The following ZNF729 variants were observed in gnomAD, a reference collection of about 807,000 sequenced individuals.
ZNF729 encodes zinc finger protein 729.
In ZNF729, 15 loss-of-function variants were observed where a neutral mutation model predicts 12.2. The observed-to-expected ratio is 1.23, with a 90% confidence interval of 0.82 to 1.89. The LOEUF (loss-of-function observed/expected upper bound fraction) is 1.89, where lower values mean the gene tolerates loss of function less well. Among genes scored for constraint, ZNF729 ranks in the 40% most tolerant of loss-of-function variants. ZNF729 has a pLI of 0.00. For synonymous variants in ZNF729, 492 were observed against 476.3 expected (o/e 1.03, Z -0.43); for missense variants, 1,540 against 1,456.7 (o/e 1.06, Z -0.93).
At chr19:22,300,571 A>G (rs900151919) in intron 1 of ZNF729, among the ~76,000 whole-genome samples, 1 of 152,220 alleles carries the variant, frequency 6.6e-6, no homozygotes, top group African/African-American at 2.4e-5. Flanking sequence ...TGCAAAGTGC[A>G]TACTGTCCCC....
chr19:22,286,904 G>A (rs554267915), intron 1 of ZNF729, among the ~76,000 whole-genome samples: 41 of 152,334 alleles, frequency 2.7e-4, no homozygotes, highest in African/African-American at 9.4e-4. Context: ...AATGGGAAGA[G>A]CTTTGGTCCA....
chr19:22,312,846 TG>T (rs1356057998), intron 3 of ZNF729, among the ~76,000 whole-genome samples: 2 of 152,178 alleles, frequency 1.3e-5, no homozygotes, highest in Admixed American at 6.6e-5. Flanking sequence ...CCCTAGTAGC[TG>T]GGATTTCAGG....
intron 1 of ZNF729, among the ~76,000 whole-genome samples, chr19:22,297,364 G>A (rs1968242036): frequency 6.6e-6 from 1 of 151,104 alleles, no homozygotes; most frequent in Admixed American, 6.6e-5. Context: ...TTGAGTGTCT[G>A]CTGAAATTCA....
chr19:22,289,457 C>A (rs752621290), intron 1 of ZNF729, among the ~76,000 whole-genome samples: 3 of 151,842 alleles, frequency 2.0e-5, no homozygotes, highest in Admixed American at 6.6e-5. Flanking sequence ...GATCTCCTGA[C>A]CTTATGATCC....
intron 1 of ZNF729, among the ~76,000 whole-genome samples, chr19:22,298,077 A>G (rs892741339): frequency 2.0e-5 from 3 of 151,470 alleles, no homozygotes; most frequent in African/African-American, 7.3e-5. Flanking sequence ...ATACAGAATG[A>G]TAAAAGCTGA....
At chr19:22,292,835 G>C (rs1339384750) in intron 1 of ZNF729, among the ~76,000 whole-genome samples, 1 of 152,142 alleles carries the variant, frequency 6.6e-6, no homozygotes, top group East Asian at 1.9e-4. Flanking sequence ...GAACATGTAT[G>C]TGCAGGTGTC....
At chr19:22,289,185 T>G (rs553331658) in intron 1 of ZNF729, among the ~76,000 whole-genome samples, 1 of 152,140 alleles carries the variant, frequency 6.6e-6, no homozygotes, top group South Asian at 2.1e-4. Context: ...GAGATGGATT[T>G]CAGAATAAAA....
chr19:22,301,923 A>G (rs1384870426), intron 1 of ZNF729, among the ~76,000 whole-genome samples: 416 of 152,222 alleles, frequency 2.7e-3, no homozygotes, highest in Non-Finnish European at 3.2e-3. Context: ...TCCATTTTCT[A>G]TTTATAACCA....
chr19:22,286,609 G>A, intron 1 of ZNF729, 54 bp downstream of exon 1: 5 of 1,611,320 alleles, frequency 3.1e-6, no homozygotes, highest in Non-Finnish European at 4.2e-6. Flanking sequence ...ATTGGAACCG[G>A]TGGGAAGTGG....
At chr19:22,304,352 T>A (rs1411854790) in intron 2 of ZNF729, among the ~76,000 whole-genome samples, 2 of 152,210 alleles carry the variant, frequency 1.3e-5, no homozygotes, top group African/African-American at 4.8e-5. Context: ...AGGAATTTTT[T>A]AAAGATGTTT....
chr19:22,312,126 T>C (rs1463383255), intron 3 of ZNF729, among the ~76,000 whole-genome samples: 1 of 152,168 alleles, frequency 6.6e-6, no homozygotes, highest in Non-Finnish European at 1.5e-5. Context: ...TTTTTTTCAA[T>C]TTTTTATAGT....
intron 3 of ZNF729, among the ~76,000 whole-genome samples, chr19:22,307,316 ATTTTTTT>A (rs35650592): frequency 1.0e-5 from 1 of 95,298 alleles, no homozygotes; most frequent in Admixed American, 1.2e-4. Flanking sequence ...ACAATGTAGC[ATTTTTTT>A]TTTTTTTTTT....
chr19:22,286,607 C>G, intron 1 of ZNF729, 52 bp downstream of exon 1: 1 of 1,611,872 alleles, frequency 6.2e-7, no homozygotes, highest in Non-Finnish European at 8.5e-7. Context: ...TGATTGGAAC[C>G]GGTGGGAAGT....
intron 1 of ZNF729, 131 bp from the exon 2 acceptor site, chr19:22,303,627 G>A: frequency 1.3e-6 from 1 of 768,986 alleles, no homozygotes; most frequent in Non-Finnish European, 1.9e-6. Flanking sequence ...TTATTTTATT[G>A]GATATGTTCG....
chr19:22,314,073 C>T lies in ZNF729; in HGVS notation c.656C>T (p.Ser219Leu), dbSNP rs546258167. 23 of 1,542,736 alleles carry T rather than the reference C, an allele frequency of 1.5e-5. No individual in the cohort carries two copies. Among genetic ancestry groups the T allele is most frequent in the South Asian group, 2.4e-5 (2 of 82,916 alleles). Residue 219 changes from serine to leucine, a missense_variant, in exon 4 of 4, where the codon TCG becomes TTG. By Grantham distance (145) the Ser-to-Leu change is moderately radical (BLOSUM62 -2). Transcript: ENST00000601693. ...KCEERGKAFK[S>L]FSTLTKHKII... ...GAAGAACGTGGCAAAGCCTTTAAAT[C>T]GTTCTCAACCCTTACTAAACATAAG...
At chr19:22,295,038 T>TGTGTGTG (rs1568571621) in intron 1 of ZNF729, among the ~76,000 whole-genome samples, 1,486 of 144,106 alleles carry the variant, frequency 0.01, 20 homozygotes, top group East Asian at 0.025. Flanking sequence ...TCCTAGATAT[T>TGTGTGTG]TGTGTGTGTG....
intron 1 of ZNF729, among the ~76,000 whole-genome samples, chr19:22,294,901 C>T (rs1376473749): frequency 1.3e-5 from 2 of 151,954 alleles, no homozygotes; most frequent in Non-Finnish European, 2.9e-5. Flanking sequence ...AAATGACCCA[C>T]CCGGCTCGGC....
intron 1 of ZNF729, among the ~76,000 whole-genome samples, chr19:22,298,631 A>G (rs1968263737): frequency 6.6e-6 from 1 of 152,086 alleles, no homozygotes; most frequent in Admixed American, 6.5e-5. Context: ...CTCCTGCCTC[A>G]GCCTCCCTAG....
In ZNF729 at chr19:22,316,728, A is replaced by T; in HGVS notation, c.3311A>T (p.Tyr1104Phe). Residue 1104 changes from tyrosine to phenylalanine, a missense_variant, in exon 4 of 4, where the codon TAC (tyrosine) becomes TTC (phenylalanine). Physicochemically the swap from Tyr to Phe is conservative, Grantham distance 22. Transcript: ENST00000601693. ...GTAATTCATACTGGAAAGAAACCCTACCAATGTGACGAATGTGGCAAAGCT... is the reference window on the plus strand; with the variant it reads ...GTAATTCATACTGGAAAGAAACCCTTCCAATGTGACGAATGTGGCAAAGCT... ...HKVIHTGKKP[Y>F]QCDECGKAFN... 6 of 1,612,840 alleles carry T rather than the reference A, an allele frequency of 3.7e-6. No individual in the cohort carries two copies. The East Asian group carries it at 6.7e-5, about 18-fold the overall frequency.
Sources: gnomAD v4.1 joint callset for allele counts (sites outside exome capture counted in the v4.1 genomes callset) on GRCh38, gnomAD v4.1.1 for gene constraint, MANE v1.5 for transcripts, NCBI Gene and HGNC (gene_info 2026-07-23, HGNC 2026-07-21) for gene names.